GRIN2A: variants seen among roughly 807,000 people sequenced by gnomAD.
The protein encoded by GRIN2A is glutamate ionotropic receptor NMDA type subunit 2A.
A neutral mutation model predicts 113.4 loss-of-function variants in GRIN2A; 22 were observed. That is an observed-to-expected ratio of 0.19 (90% CI 0.14 to 0.28). The LOEUF (loss-of-function observed/expected upper bound fraction) is 0.28, where lower values mean the gene tolerates loss of function less well. Ranked by LOEUF, GRIN2A falls within the 10% of genes least tolerant of loss-of-function variation. The probability of loss-of-function intolerance (pLI) is 1.00; values close to 1 mark genes in which losing one functional copy is unlikely to be tolerated. For missense variants in GRIN2A, 1,502 were observed against 1,887.0 expected, an observed-to-expected ratio of 0.80 and a Z score of 3.78; for synonymous variants, 827 against 738.4, an observed-to-expected ratio of 1.12 and a Z score of -1.94.
At chr16:9,978,085 T>C (rs529954407) in intron 2 of GRIN2A, among the ~76,000 whole-genome samples, 23 of 152,286 alleles carry the variant, frequency 1.5e-4, no homozygotes, top group Middle Eastern at 3.4e-3. Context: ...TTTTCTTCCA[T>C]GCAAAATGAG....
In GRIN2A at chr16:9,757,382, T is replaced by C. The variant is rs1316359360; in HGVS notation, c.*5767A>G. 1 of 226,584 alleles carries C rather than the reference T, an allele frequency of 4.4e-6. No individual in the cohort carries two copies. Among genetic ancestry groups the C allele is most frequent in the Non-Finnish European group, 8.8e-6 (1 of 114,256 alleles). The allele number at this position is 226,584 out of a possible 1,614,324, so 14.0% of individuals were successfully genotyped here. A position where few individuals can be genotyped will look rare whatever the true frequency, so the allele number is the denominator to read the frequency against. ...ACTTTTTTTTTTTTTTTAAAAAAGG[T>C]ATGCTCATAGAATCAGATTATTTTT... On this transcript the variant is annotated 3_prime_UTR_variant, in exon 13 of 13. Transcript: ENST00000330684.
chr16:9,764,212 C>A lies in GRIN2A; in HGVS notation c.3332G>T (p.Ser1111Ile), dbSNP rs796052555. 8.8e-6 allele frequency: 12 copies of A among 1,366,124 alleles called. No homozygotes were observed. The highest frequency in any genetic ancestry group is 1.9e-5 in the South Asian group (1 of 52,740). The allele number at this position is 1,366,124 out of a possible 1,614,324, so 84.6% of individuals were successfully genotyped here. A position where few individuals can be genotyped will look rare whatever the true frequency, so the allele number is the denominator to read the frequency against. The change falls in exon 13 of 13, where the codon AGC becomes ATC. Residue 1111 changes from serine (S) to isoleucine (I), a missense_variant. Around this residue, in one of 7 missense-constraint regions of GRIN2A, gnomAD observed 832 missense variants for 789.7 expected, o/e 1.05. Coordinates refer to ENST00000330684, the MANE Select transcript of GRIN2A (RefSeq NM_001134407.3). ...AGTGTAGATCTTGTCTCTAGGGGAG[C>A]TTGATTTGGTTTTCAGGTAGGTGCG... ...VERTYLKTKS[S>I]SPRDKIYTID...
chr16:10,037,358 G>C (rs74008914), intron 2 of GRIN2A: 34,094 of 152,070 alleles, frequency 0.22, 4,622 homozygotes, highest in East Asian at 0.52. Context: ...GTGGAAACAT[G>C]GTGATCACTT....
chr16:10,144,484 C>A (rs1419781573), intron 2 of GRIN2A, among the ~76,000 whole-genome samples: 1 of 152,084 alleles, frequency 6.6e-6, no homozygotes, highest in Non-Finnish European at 1.5e-5. Context: ...TATTTCAAGT[C>A]CTTTGTCCAT....
chr16:10,179,634 A>G, intron 2 of GRIN2A: 2 of 300,566 alleles, frequency 6.7e-6, no homozygotes, highest in Non-Finnish European at 1.3e-5. Context: ...TAGGAAGCAT[A>G]TGTCTCCAGT....
chr16:9,810,873 G>C (rs879455323), intron 10 of GRIN2A, among the ~76,000 whole-genome samples: 2 of 152,194 alleles, frequency 1.3e-5, no homozygotes, highest in Non-Finnish European at 2.9e-5. Context: ...TTCTCTATGG[G>C]AGGAAGGAGG....
chr16:9,859,849 C>A (rs934741482), intron 4 of GRIN2A, among the ~76,000 whole-genome samples: 4 of 152,096 alleles, frequency 2.6e-5, no homozygotes, highest in African/African-American at 9.7e-5. Flanking sequence ...ATCTGGAATT[C>A]ATTTTTGCAT....
intron 2 of GRIN2A, among the ~76,000 whole-genome samples, chr16:9,974,097 G>C (rs1045392858): frequency 6.6e-6 from 1 of 152,094 alleles, no homozygotes; most frequent in Admixed American, 6.5e-5. Context: ...TGCCTCTTAG[G>C]GTATTAATGT....
chr16:9,891,806 G>A (rs565299806), intron 3 of GRIN2A, among the ~76,000 whole-genome samples: 1 of 152,184 alleles, frequency 6.6e-6, no homozygotes, highest in African/African-American at 2.4e-5. Context: ...GTGCATACCA[G>A]GAACTGAATG....
intron 4 of GRIN2A, among the ~76,000 whole-genome samples, chr16:9,875,352 T>C (rs113707665): frequency 8.5e-5 from 13 of 152,242 alleles, no homozygotes; most frequent in African/African-American, 3.1e-4. Flanking sequence ...CCTCTTTTTA[T>C]CTCTATTTCT....
chr16:10,139,624 C>T (rs1004148865), intron 2 of GRIN2A, among the ~76,000 whole-genome samples: 4 of 152,106 alleles, frequency 2.6e-5, no homozygotes, highest in African/African-American at 9.7e-5. Context: ...CGATAAGAAT[C>T]ACCTGGGGAT....
rs141432232 is a variant in GRIN2A, at chr16:10,073,569, C to T, written c.414+106429G>A. Among the ~76,000 whole-genome samples, 645 of 152,112 alleles carry T rather than the reference C, an allele frequency of 4.2e-3. 5 individuals are homozygous for T. The highest frequency in any genetic ancestry group is 0.014 in the African/African-American group (590 of 41,492). ...CAGCATTAAGAAATTCCTAATCTACCGTGATGTGTGAGGGTCAAAAAAGTG... is the reference window on the plus strand; with the variant it reads ...CAGCATTAAGAAATTCCTAATCTACTGTGATGTGTGAGGGTCAAAAAAGTG... On this transcript the variant is annotated intron_variant, in intron 2 of 12. Coordinates refer to ENST00000330684, the MANE Select transcript of GRIN2A (RefSeq NM_001134407.3).
At chr16:9,837,110 G>C (rs940034449) in intron 7 of GRIN2A, among the ~76,000 whole-genome samples, 12 of 152,148 alleles carry the variant, frequency 7.9e-5, no homozygotes, top group Non-Finnish European at 1.6e-4. Flanking sequence ...GAATGTTTTG[G>C]CTCTTCCAGA....
intron 4 of GRIN2A, among the ~76,000 whole-genome samples, chr16:9,862,058 C>T (rs936773442): frequency 1.3e-5 from 2 of 152,266 alleles, no homozygotes; most frequent in African/African-American, 2.4e-5. Context: ...TTTCAACCAG[C>T]GTCCTAGAGT....
chr16:9,763,205 A>C lies in GRIN2A; in HGVS notation c.4339T>G (p.Ser1447Ala). 6.2e-7 allele frequency: 1 copy of C among 1,613,980 alleles called. No homozygotes were observed. Among genetic ancestry groups the C allele is most frequent in the Non-Finnish European group, 8.5e-7 (1 of 1,179,886 alleles). Residue 1447 changes from serine (S) to alanine (A), a missense_variant, in exon 13 of 13, where the codon TCC becomes GCC. Transcript: ENST00000330684. ...NMYSTPRVLN[S>A]CSNRRVYKKM... ...TTGTACACGCGTCTATTGCTGCAGG[A>C]ATTTAAAACCCTGGGGGTAGAGTAC...
At chr16:9,998,284 G>A (rs957939110) in intron 2 of GRIN2A, among the ~76,000 whole-genome samples, 1 of 152,130 alleles carries the variant, frequency 6.6e-6, no homozygotes, top group Non-Finnish European at 1.5e-5. Context: ...CATGATAAAC[G>A]ACAGGAGCCA....
rs1349281989 is a variant in GRIN2A, at chr16:9,764,479, C to T, written c.3065G>A (p.Arg1022His). The T allele has an allele frequency of 1.2e-6, 2 of 1,613,936 alleles. No homozygotes were observed. The highest frequency in any genetic ancestry group is 1.3e-5 in the African/African-American group (1 of 74,884). Residue 1022 changes from arginine to histidine, a missense_variant, in exon 13 of 13, where the codon CGC becomes CAC. This residue lies in a region of GRIN2A where 832 missense variants were observed against 789.7 expected (regional missense o/e 1.05). Coordinates refer to ENST00000330684, the MANE Select transcript of GRIN2A (RefSeq NM_001134407.3). ...QLWKKSVDSI[R>H]QDSLSQNPVS... ...TGGATTCTGGGATAGTGAATCCTGG[C>T]GTATGGAATCCACGGATTTCTTCCA... is the stretch of plus-strand genomic sequence containing the variant.
chr16:10,013,975 T>G (rs1445993233), intron 2 of GRIN2A, among the ~76,000 whole-genome samples: 1 of 152,234 alleles, frequency 6.6e-6, no homozygotes, highest in Non-Finnish European at 1.5e-5. Context: ...GCTCCTCTGT[T>G]GAATGATATT....
Position 10,179,756 on chromosome 16 carries a change from C to A in GRIN2A, c.414+242G>T, listed in dbSNP as rs2050220989. ...TCTCAGTTTTCTGAGCGCTTCCTGG[C>A]ACACACACACCAAAGTGCTCCTGTG... On this transcript the variant is annotated intron_variant, in intron 2 of 12. Coordinates refer to ENST00000330684, the MANE Select transcript of GRIN2A (RefSeq NM_001134407.3). 6.3e-5 allele frequency: 35 copies of A among 557,652 alleles called. No individual in the cohort carries two copies. The South Asian group carries it at 6.4e-4, about 10-fold the overall frequency. The allele number at this position is 557,652 out of a possible 1,614,324, so 34.5% of individuals were successfully genotyped here.
Sources: allele counts gnomAD v4.1 joint callset (sites outside exome capture counted in the v4.1 genomes callset), GRCh38; gene constraint gnomAD v4.1.1; regional missense constraint gnomAD v4.1.1; transcripts MANE v1.5; gene names NCBI Gene and HGNC (gene_info 2026-07-23, HGNC 2026-07-21).